The following GPR107 variants were observed in gnomAD, a reference collection of about 807,000 sequenced individuals.
GPR107 encodes the protein G protein-coupled receptor 107, also known as protein GPR107.
Under a neutral mutation model 75.5 loss-of-function variants are expected in GPR107, and 31 were observed. The observed-to-expected ratio is 0.41, with a 90% confidence interval of 0.31 to 0.55. The LOEUF (loss-of-function observed/expected upper bound fraction) is 0.55. Among genes scored for constraint, GPR107 ranks in the 20% least tolerant of loss-of-function variants. The pLI, the probability that GPR107 is intolerant of heterozygous loss-of-function variation, is 0.26. For synonymous variants in GPR107, 267 were observed against 251.3 expected (o/e 1.06, Z -0.59); for missense variants, 572 against 665.7 (o/e 0.86, Z 1.55).
chr9:130,125,090 C>CT (rs11461385), intron 15 of GPR107, 126 bp downstream of exon 15: 13,089 of 156,146 alleles, frequency 0.084, 959 homozygotes, highest in African/African-American at 0.18. Flanking sequence ...GTGTGGCTTG[C>CT]TTTTTTTTTT....
intron 7 of GPR107, among the ~76,000 whole-genome samples, chr9:130,089,094 C>T (rs1403065384): frequency 6.6e-6 from 1 of 151,708 alleles, no homozygotes; most frequent in Non-Finnish European, 1.5e-5. Context: ...TGCTTGAACC[C>T]GGGAGGCTGA....
intron 1 of GPR107, among the ~76,000 whole-genome samples, chr9:130,074,468 A>G (rs1443700170): frequency 6.6e-6 from 1 of 152,184 alleles, no homozygotes; most frequent in Non-Finnish European, 1.5e-5. Context: ...TACACAACAT[A>G]AAGTGTGTTT....
intron 1 of GPR107, among the ~76,000 whole-genome samples, chr9:130,073,320 C>T (rs931708647): frequency 6.6e-6 from 1 of 152,132 alleles, no homozygotes; most frequent in Non-Finnish European, 1.5e-5. Flanking sequence ...TCCTGTGCCT[C>T]TAGGAGGGTA....
intron 13 of GPR107, among the ~76,000 whole-genome samples, chr9:130,105,807 C>G (rs1359768784): frequency 2.0e-5 from 3 of 151,666 alleles, no homozygotes; most frequent in African/African-American, 7.3e-5. Context: ...GTAGCTGGGA[C>G]CACAGGCACA....
In GPR107 at chr9:130,128,629, T is replaced by C; in HGVS notation, c.1441-11T>C. The C allele has an allele frequency of 6.2e-7, 1 of 1,609,228 alleles. No individual in the cohort carries two copies. Among genetic ancestry groups the C allele is most frequent in the African/African-American group, 1.3e-5 (1 of 74,854 alleles). ...AATCTCTTTATTTTGGGGTGGTTTT[T>C]AAACTTGCAGCTCCTGGATGAAACG... On this transcript the variant is annotated splice_polypyrimidine_tract_variant and intron_variant, in intron 16 of 17. Coordinates refer to ENST00000347136, the MANE Select transcript of GPR107 (RefSeq NM_020960.5).
intron 7 of GPR107, among the ~76,000 whole-genome samples, chr9:130,087,687 C>A (rs182826950): frequency 1.3e-5 from 2 of 151,298 alleles, no homozygotes; most frequent in Admixed American, 6.6e-5. Flanking sequence ...CCTCTAGTCC[C>A]AGCTACTAGG....
At position 130,139,980 on chromosome 9, in the gene GPR107, T is replaced by C. The variant is rs1832060140; in HGVS notation, c.*4859T>C. 6.6e-6 allele frequency: 1 copy of C among 152,216 alleles called. No individual in the cohort carries two copies. Among genetic ancestry groups the C allele is most frequent in the Non-Finnish European group, 1.5e-5 (1 of 68,040 alleles). 9.4% of individuals were successfully genotyped at this position (152,216 alleles called of 1,614,324 possible). ...TTGCAGGTCTGTAAATAGCATTTGC[T>C]TTCCTGGTTAGAGATTGGGATGCAG... On this transcript the variant is annotated 3_prime_UTR_variant, in exon 18 of 18. Transcript: ENST00000347136.
chr9:130,060,343 G>T (rs1276224557), intron 1 of GPR107, among the ~76,000 whole-genome samples: 1 of 151,320 alleles, frequency 6.6e-6, no homozygotes, highest in Admixed American at 6.6e-5. Context: ...GATTACAGGT[G>T]TGAGGCACCG....
chr9:130,057,823 A>G (rs1829830859), intron 1 of GPR107, among the ~76,000 whole-genome samples: 1 of 133,882 alleles, frequency 7.5e-6, no homozygotes, highest in Non-Finnish European at 1.6e-5. Flanking sequence ...CTTTTTATTT[A>G]TTTATTATTA....
intron 9 of GPR107, among the ~76,000 whole-genome samples, chr9:130,096,468 C>CTTTTT (rs34230243): frequency 1.6e-5 from 2 of 122,366 alleles, no homozygotes; most frequent in Non-Finnish European, 3.2e-5. Context: ...CATTTTTGGA[C>CTTTTT]TTTTTTTTTT....
chr9:130,066,639 C>G (rs1830075431), intron 1 of GPR107, among the ~76,000 whole-genome samples: 1 of 152,134 alleles, frequency 6.6e-6, no homozygotes. Context: ...TGTACTGTCG[C>G]AGCAGTGTGT....
intron 12 of GPR107, 132 bp from the exon 13 acceptor site, chr9:130,104,288 G>T (rs1308470981): frequency 4.2e-6 from 3 of 705,892 alleles, no homozygotes; most frequent in Non-Finnish European, 4.9e-6. Flanking sequence ...GGAAGAGCAC[G>T]TGGGACTGGA....
intron 14 of GPR107, among the ~76,000 whole-genome samples, chr9:130,115,389 T>C (rs1040517036): frequency 1.3e-5 from 2 of 152,152 alleles, no homozygotes; most frequent in Admixed American, 6.5e-5. Flanking sequence ...GCTCATTTTT[T>C]TCTTGCTTTC....
chr9:130,133,738 T>C (rs782097326), intron 17 of GPR107, among the ~76,000 whole-genome samples: 4 of 152,234 alleles, frequency 2.6e-5, no homozygotes, highest in Non-Finnish European at 5.9e-5. Context: ...CTATGGGATC[T>C]GGCCACATAC....
intron 10 of GPR107, 38 bp downstream of exon 10, chr9:130,099,570 C>A (rs565411185): frequency 1.8e-6 from 2 of 1,138,556 alleles, no homozygotes; most frequent in Non-Finnish European, 1.3e-6. Flanking sequence ...CATGAAATTA[C>A]GTATAATGCC....
rs145317132 is a variant in GPR107, at chr9:130,104,579, A to G, written c.1262+29A>G. The G allele has an allele frequency of 4.4e-4, 703 of 1,602,616 alleles. 9 individuals carry two copies. In the East Asian group the frequency reaches 0.012, roughly 27 times the overall value. On this transcript the variant is annotated intron_variant, in intron 13 of 17. Transcript: ENST00000347136. ...AGTAGCTCACAGGGAGGGAGGCCAC[A>G]TGACAGCTTGGCTGTCAAGCCCAAT...
intron 16 of GPR107, among the ~76,000 whole-genome samples, chr9:130,128,059 T>C (rs1328845132): frequency 3.3e-5 from 5 of 152,246 alleles, no homozygotes; most frequent in African/African-American, 1.2e-4. Context: ...GAAATGCTGC[T>C]GGATTCTATG....
chr9:130,085,626 A>G lies in GPR107; in HGVS notation c.565-794A>G, dbSNP rs984144464. 3.3e-5 allele frequency among the ~76,000 whole-genome samples: 5 copies of G among 152,184 alleles called. No individual in the cohort carries two copies. In the South Asian group the frequency reaches 8.3e-4, roughly 25 times the overall value. On this transcript the variant is annotated intron_variant, in intron 6 of 17. Transcript: ENST00000347136. ...GTATAGATTAGTTTTATAGAACTTC[A>G]TATAACTGAATTATGCAGCACTCTT...
intron 14 of GPR107, among the ~76,000 whole-genome samples, chr9:130,108,301 TAAA>T (rs1298462456): frequency 6.6e-6 from 1 of 152,230 alleles, no homozygotes; most frequent in African/African-American, 2.4e-5. Flanking sequence ...GAATAATAAA[TAAA>T]ACAGGTTTTT....
Sources: allele counts gnomAD v4.1 joint callset (sites outside exome capture counted in the v4.1 genomes callset), GRCh38; gene constraint gnomAD v4.1.1; transcripts MANE v1.5; gene names NCBI Gene and HGNC (gene_info 2026-07-23, HGNC 2026-07-21).